MAP7: variants seen among roughly 807,000 people sequenced by gnomAD.
MAP7 encodes ensconsin.
A neutral mutation model predicts 94.8 loss-of-function variants in MAP7; 52 were observed. The observed-to-expected ratio is 0.55, with a 90% CI of 0.44 to 0.69. MAP7 has a LOEUF of 0.69. Among genes scored for constraint, MAP7 ranks in the 30% least tolerant of loss-of-function variants. MAP7 has a pLI of 0.00. For missense variants in MAP7, 940 were observed against 964.6 expected, an observed-to-expected ratio of 0.97 and a Z score of 0.34; for synonymous variants, 350 against 357.0, an observed-to-expected ratio of 0.98 and a Z score of 0.22.
At chr6:136,394,707 C>T (rs763835074) in intron 3 of MAP7, among the ~76,000 whole-genome samples, 1 of 150,876 alleles carries the variant, frequency 6.6e-6, no homozygotes. Flanking sequence ...ATTAACAAAC[C>T]TCTTTAACCT....
At chr6:136,359,225 T>A (rs1456623433) in intron 15 of MAP7, among the ~76,000 whole-genome samples, 2 of 152,166 alleles carry the variant, frequency 1.3e-5, no homozygotes, top group East Asian at 3.8e-4. Flanking sequence ...AATTTCAAGA[T>A]CACTGTACAT....
intron 1 of MAP7, among the ~76,000 whole-genome samples, chr6:136,516,587 C>T (rs931413999): frequency 1.8e-4 from 28 of 152,098 alleles, no homozygotes; most frequent in African/African-American, 6.8e-4. Flanking sequence ...TCTACTTCAC[C>T]AGGACACAGA....
intron 1 of MAP7, among the ~76,000 whole-genome samples, chr6:136,464,462 A>G (rs908573153): frequency 1.3e-5 from 2 of 152,228 alleles, no homozygotes; most frequent in Non-Finnish European, 2.9e-5. Flanking sequence ...TTTTATCATT[A>G]GCTATTGTTG....
chr6:136,433,855 GA>G (rs1422551902), intron 1 of MAP7, among the ~76,000 whole-genome samples: 1 of 152,186 alleles, frequency 6.6e-6, no homozygotes. Context: ...TTCAAAGCCA[GA>G]ATCAGGAAGC....
chr6:136,495,185 T>C (rs983047408), intron 1 of MAP7, among the ~76,000 whole-genome samples: 7 of 152,074 alleles, frequency 4.6e-5, no homozygotes, highest in African/African-American at 7.2e-5. Flanking sequence ...ATGTAGAAAA[T>C]TGATGGTTCT....
intron 3 of MAP7, among the ~76,000 whole-genome samples, chr6:136,392,815 T>G (rs577421274): frequency 6.6e-6 from 1 of 152,196 alleles, no homozygotes; most frequent in Non-Finnish European, 1.5e-5. Flanking sequence ...ATCTACTTTT[T>G]AACTTTTAGC....
chr6:136,394,644 T>C (rs1003246751), intron 3 of MAP7, among the ~76,000 whole-genome samples: 2 of 151,792 alleles, frequency 1.3e-5, no homozygotes, highest in African/African-American at 4.8e-5. Context: ...GTCATCCTAT[T>C]GTGCTATTGA....
intron 2 of MAP7, among the ~76,000 whole-genome samples, chr6:136,418,160 T>C (rs1009065557): frequency 6.6e-6 from 1 of 152,172 alleles, no homozygotes; most frequent in Non-Finnish European, 1.5e-5. Flanking sequence ...ACACAGAACA[T>C]AGTGTGCTCA....
chr6:136,451,473 C>T (rs953877893), intron 1 of MAP7, among the ~76,000 whole-genome samples: 1 of 152,172 alleles, frequency 6.6e-6, no homozygotes, highest in Non-Finnish European at 1.5e-5. Context: ...GACAATGCAT[C>T]AGGTCATCCA....
chr6:136,522,654 TTC>T (rs1826730097), intron 1 of MAP7, among the ~76,000 whole-genome samples: 1 of 152,186 alleles, frequency 6.6e-6, no homozygotes, highest in Non-Finnish European at 1.5e-5. Context: ...AAAGAAAAGT[TTC>T]TGATTGTGTA....
chr6:136,550,089 G>A lies in MAP7; in HGVS notation c.67+253C>T, dbSNP rs1461028804. On this transcript the variant is annotated intron_variant, in intron 1 of 17. Coordinates refer to ENST00000354570, the MANE Select transcript of MAP7 (RefSeq NM_003980.6). The surrounding 1 kb of genome is among the most constrained non-coding windows in gnomAD (Gnocchi z 5.1). ...GCTCGCCTCCACCTGTTGCGGGAAAGTCGCGGTGGAGCGCCCGAGGGCGGC... is the reference window on the plus strand; with the variant it reads ...GCTCGCCTCCACCTGTTGCGGGAAAATCGCGGTGGAGCGCCCGAGGGCGGC... Among the ~76,000 whole-genome samples the A allele has an allele frequency of 6.6e-6, 1 of 151,568 alleles. No homozygotes were observed. The highest frequency in any genetic ancestry group is 1.9e-4 in the East Asian group (1 of 5,132).
In MAP7 at chr6:136,484,610, T is replaced by C. The variant is rs80001360; in HGVS notation, c.68-62811A>G. ...ATCAATTGAGGGTTGTTTTCTGTAC[T>C]TGAATATAGATATTTGTTCAGTGAT... On this transcript the variant is annotated intron_variant, in intron 1 of 17. Transcript: ENST00000354570. Among the ~76,000 whole-genome samples, 587 of 152,358 alleles carry C rather than the reference T, an allele frequency of 3.9e-3. 3 individuals are homozygous for C. The East Asian group carries it at 0.039, about 10-fold the overall frequency.
intron 1 of MAP7, among the ~76,000 whole-genome samples, chr6:136,549,861 CCG>C (rs1381554304): frequency 3.9e-5 from 6 of 152,210 alleles, no homozygotes; most frequent in Non-Finnish European, 5.9e-5. Context: ...CACACCGACC[CCG>C]CTGAGGAGCC....
rs532292548 is a variant in MAP7 at position 136,534,311 on chromosome 6, TTAA to T, written c.67+16028_67+16030del. Among the ~76,000 whole-genome samples, 15 of 152,356 alleles carry T rather than the reference TTAA, an allele frequency of 9.8e-5. No homozygotes were observed. In the South Asian group the frequency reaches 3.1e-3, roughly 32 times the overall value. On this transcript the variant is annotated intron_variant, in intron 1 of 17. Transcript: ENST00000354570. ...CAAGCAGGATTTCCATGTCACAGTC[TTAA>T]GGCAGACTTCCTCCTTCTTCTTCTT...
intron 1 of MAP7, among the ~76,000 whole-genome samples, chr6:136,511,566 G>A (rs1823292692): frequency 6.6e-6 from 1 of 152,206 alleles, no homozygotes; most frequent in South Asian, 2.1e-4. Flanking sequence ...GGCTTAATGA[G>A]ATGCACTGAA....
intron 2 of MAP7, among the ~76,000 whole-genome samples, chr6:136,416,831 G>A (rs1789626688): frequency 6.6e-6 from 1 of 151,926 alleles, no homozygotes. Flanking sequence ...TTATATATAG[G>A]TCAGGCACAG....
chr6:136,462,811 A>G (rs1010911906), intron 1 of MAP7, among the ~76,000 whole-genome samples: 17 of 151,848 alleles, frequency 1.1e-4, no homozygotes, highest in Non-Finnish European at 2.9e-5. Flanking sequence ...AAAATACAAA[A>G]ATTAGCTGGA....
At chr6:136,536,789 A>G (rs866107362) in intron 1 of MAP7, among the ~76,000 whole-genome samples, 10 of 152,248 alleles carry the variant, frequency 6.6e-5, no homozygotes, top group African/African-American at 2.4e-4. Context: ...AAATAACTGC[A>G]GGACTGCAAA....
At chr6:136,449,524 C>T (rs749619606) in intron 1 of MAP7, among the ~76,000 whole-genome samples, 1 of 152,214 alleles carries the variant, frequency 6.6e-6, no homozygotes, top group African/African-American at 2.4e-5. Flanking sequence ...CGATTGGTTA[C>T]AGCCCGGCAT....
Sources: gnomAD v4.1 joint callset for allele counts (sites outside exome capture counted in the v4.1 genomes callset) on GRCh38, gnomAD v4.1.1 for gene constraint, Gnocchi (gnomAD v3.1) non-coding constraint, MANE v1.5 for transcripts, NCBI Gene and HGNC (gene_info 2026-07-23, HGNC 2026-07-21) for gene names.